The following MED12L variants were observed in gnomAD, a reference collection of about 807,000 sequenced individuals.
The protein encoded by MED12L is mediator complex subunit 12L.
In MED12L, 60 loss-of-function variants were observed where a neutral mutation model predicts 281.3. The ratio of observed to expected loss-of-function variants is 0.21; its 90% CI spans 0.17 to 0.26. The LOEUF is 0.26. Ranked by LOEUF, MED12L falls within the 10% of genes least tolerant of loss-of-function variation. MED12L has a pLI of 1.00. For missense variants in MED12L, 2,146 were observed against 2,680.9 expected (o/e 0.80, Z 4.41); for synonymous variants, 974 against 987.2 (o/e 0.99, Z 0.25).
At chr3:151,251,508 AGAGGAATCC>A (rs1296176811) in intron 16 of MED12L, among the ~76,000 whole-genome samples, 1 of 152,066 alleles carries the variant, frequency 6.6e-6, no homozygotes, top group East Asian at 1.9e-4. Flanking sequence ...CTCACCCGTG[AGAGGAATCC>A]CTCTAAAATA....
At chr3:151,406,618 C>T (rs1716339035) in intron 39 of MED12L, among the ~76,000 whole-genome samples, 1 of 152,114 alleles carries the variant, frequency 6.6e-6, no homozygotes, top group Admixed American at 6.5e-5. Context: ...ATAAATAGTT[C>T]ACCTTTAGAC....
chr3:151,367,821 G>T, intron 24 of MED12L, 55 bp downstream of exon 24: 2 of 1,555,790 alleles, frequency 1.3e-6, no homozygotes, highest in South Asian at 2.4e-5. Flanking sequence ...TTGATGGAGT[G>T]GTTTCTAACA....
chr3:151,314,466 C>T (rs1021644160), intron 16 of MED12L, among the ~76,000 whole-genome samples: 27 of 152,290 alleles, frequency 1.8e-4, no homozygotes, highest in Admixed American at 9.8e-4. Context: ...TGCTTCTGCT[C>T]TTGCCTCCCT....
At chr3:151,383,299 G>A (rs530783334) in intron 33 of MED12L, among the ~76,000 whole-genome samples, 6 of 152,304 alleles carry the variant, frequency 3.9e-5, no homozygotes, top group Admixed American at 3.3e-4. Context: ...GTCCCAACAC[G>A]TGAACTGGTA....
chr3:151,201,825 A>G (rs749555923), intron 16 of MED12L, among the ~76,000 whole-genome samples: 1 of 152,188 alleles, frequency 6.6e-6, no homozygotes, highest in African/African-American at 2.4e-5. Flanking sequence ...GCTTATTGTT[A>G]CTTTCTAAGG....
intron 16 of MED12L, among the ~76,000 whole-genome samples, chr3:151,268,078 C>T (rs1363736361): frequency 6.6e-6 from 1 of 152,076 alleles, no homozygotes; most frequent in Non-Finnish European, 1.5e-5. Context: ...TAATATGCAT[C>T]GGTGGTAGTC....
chr3:151,146,047 T>TA (rs1717711718), intron 5 of MED12L, among the ~76,000 whole-genome samples: 2 of 152,186 alleles, frequency 1.3e-5, no homozygotes, highest in Non-Finnish European at 2.9e-5. Context: ...CCATTTGTGA[T>TA]AAAAAACCAA....
At chr3:151,198,256 T>C (rs1035518643) in intron 16 of MED12L, 1 of 531,860 alleles carries the variant, frequency 1.9e-6, no homozygotes, top group Non-Finnish European at 3.2e-6. Flanking sequence ...ACAATAAAGC[T>C]TGACTTGCAT....
chr3:151,232,142 C>T (rs1731811652), intron 16 of MED12L, among the ~76,000 whole-genome samples: 3 of 152,118 alleles, frequency 2.0e-5, no homozygotes, highest in African/African-American at 7.2e-5. Flanking sequence ...GTCTCCTCTG[C>T]CCATCCTTAA....
chr3:151,199,450 A>G, intron 16 of MED12L: 1 of 1,412,628 alleles, frequency 7.1e-7, no homozygotes, highest in South Asian at 1.4e-5. Context: ...CTGTAAAAGA[A>G]ACAAGGAAAG....
intron 16 of MED12L, among the ~76,000 whole-genome samples, chr3:151,227,677 C>G (rs116219144): frequency 6.6e-6 from 1 of 152,136 alleles, no homozygotes; most frequent in Non-Finnish European, 1.5e-5. Context: ...GCAGTCTTCC[C>G]GAATGGCAAA....
chr3:151,213,498 C>A, intron 16 of MED12L: 2 of 1,614,086 alleles, frequency 1.2e-6, no homozygotes, highest in Non-Finnish European at 1.7e-6. Context: ...TCATATACCG[C>A]AAGATTTCTT....
At chr3:151,284,886 G>A (rs1559981838) in intron 16 of MED12L, among the ~76,000 whole-genome samples, 1 of 152,124 alleles carries the variant, frequency 6.6e-6, no homozygotes, top group African/African-American at 2.4e-5. Context: ...GGGATTACAG[G>A]CGTGAGCCAC....
At chr3:151,396,870 A>G (rs1247538312) in intron 39 of MED12L, among the ~76,000 whole-genome samples, 1 of 152,238 alleles carries the variant, frequency 6.6e-6, no homozygotes, top group Non-Finnish European at 1.5e-5. Flanking sequence ...ATAAGCCATG[A>G]CAAACGATTT....
At position 151,328,118 on chromosome 3, in the gene MED12L, T is replaced by A. The variant is rs781507151; in HGVS notation, c.2251-21941T>A. The A allele has an allele frequency of 2.5e-6, 4 of 1,612,688 alleles. No individual in the cohort carries two copies. The Admixed American group carries it at 5.0e-5, about 20-fold the overall frequency. On this transcript the variant is annotated intron_variant, in intron 16 of 44. Transcript: ENST00000687756. ...ACATAAGAATATGTATATTAAGGGA[T>A]CCATACAAATGTTAGTTGCTGCCAA...
chr3:151,395,744 G>A (rs552536439), intron 39 of MED12L, among the ~76,000 whole-genome samples: 24 of 152,316 alleles, frequency 1.6e-4, no homozygotes, highest in African/African-American at 3.4e-4. Context: ...AGGTACCTTC[G>A]TGATCCTCAC....
intron 22 of MED12L, 68 bp from the exon 23 acceptor site, chr3:151,365,782 A>C (rs1239508370): frequency 1.5e-6 from 2 of 1,294,062 alleles, no homozygotes; most frequent in Non-Finnish European, 2.1e-6. Context: ...ATGTTAATTA[A>C]GTATATCACA....
chr3:151,185,702 A>G (rs564590076), intron 12 of MED12L, among the ~76,000 whole-genome samples: 13 of 152,222 alleles, frequency 8.5e-5, no homozygotes, highest in African/African-American at 1.4e-4. Flanking sequence ...GCTGGGCACA[A>G]TGGCTCACAC....
chr3:151,309,510 C>G (rs1290005458), intron 16 of MED12L, among the ~76,000 whole-genome samples: 2 of 152,170 alleles, frequency 1.3e-5, no homozygotes, highest in African/African-American at 4.8e-5. Flanking sequence ...TTTATAGTTC[C>G]TGCACCAGAC....
Sources: allele counts gnomAD v4.1 joint callset (sites outside exome capture counted in the v4.1 genomes callset), GRCh38; gene constraint gnomAD v4.1.1; transcripts MANE v1.5; gene names NCBI Gene and HGNC (gene_info 2026-07-23, HGNC 2026-07-21).